LAMA1: variants seen among roughly 807,000 people sequenced by gnomAD.
LAMA1 encodes the protein laminin subunit alpha-1.
LAMA1 carries 219 observed loss-of-function variants against 348.7 expected under a neutral mutation model. The observed-to-expected ratio is 0.63, with a 90% confidence interval of 0.56 to 0.70. The LOEUF is 0.70. Ranked by LOEUF, LAMA1 falls within the 30% of genes least tolerant of loss-of-function variation. The pLI is 0.00. For synonymous variants in LAMA1, 1,487 were observed against 1,491.0 expected (o/e 1.00, Z 0.06); for missense variants, 3,744 against 3,888.0 (o/e 0.96, Z 0.99).
At chr18:7,016,407 CA>C in intron 21 of LAMA1, 83 bp downstream of exon 21, 1 of 1,519,766 alleles carries the variant, frequency 6.6e-7, no homozygotes, top group Non-Finnish European at 9.1e-7. Flanking sequence ...GGCACTTAAC[CA>C]AAATTAGTTG....
chr18:7,021,434 AG>A (rs966720713), intron 19 of LAMA1, among the ~76,000 whole-genome samples: 21 of 152,194 alleles, frequency 1.4e-4, no homozygotes, highest in African/African-American at 4.8e-4. Context: ...TTTTTGGTAC[AG>A]GACGGAAAAA....
chr18:7,030,794 A>G (rs1013261971), intron 16 of LAMA1, among the ~76,000 whole-genome samples: 1 of 152,166 alleles, frequency 6.6e-6, no homozygotes, highest in African/African-American at 2.4e-5. Flanking sequence ...GCCTAGCTAC[A>G]AAAGACATAA....
intron 3 of LAMA1, among the ~76,000 whole-genome samples, chr18:7,074,570 G>T (rs2143771105): frequency 6.6e-6 from 1 of 152,260 alleles, no homozygotes; most frequent in Middle Eastern, 3.4e-3. Context: ...ATTGATATAT[G>T]AGATCCTAAA....
At chr18:7,090,666 T>C (rs2058236180) in intron 1 of LAMA1, among the ~76,000 whole-genome samples, 2 of 147,888 alleles carry the variant, frequency 1.4e-5, no homozygotes, top group Admixed American at 6.8e-5. Context: ...GGGAGAGATA[T>C]TGAAAGAAAG....
intron 3 of LAMA1, among the ~76,000 whole-genome samples, chr18:7,051,460 G>T (rs548027650): frequency 2.0e-5 from 3 of 152,250 alleles, no homozygotes; most frequent in African/African-American, 7.2e-5. Context: ...GAGTATAACT[G>T]CTCATACATG....
At chr18:7,106,703 C>A (rs1447749397) in intron 1 of LAMA1, among the ~76,000 whole-genome samples, 1 of 151,954 alleles carries the variant, frequency 6.6e-6, no homozygotes, top group Non-Finnish European at 1.5e-5. Context: ...CCACCCCAGA[C>A]CGGACACACT....
intron 1 of LAMA1, among the ~76,000 whole-genome samples, chr18:7,115,549 T>A (rs2058351884): frequency 6.6e-6 from 1 of 151,814 alleles, no homozygotes; most frequent in Non-Finnish European, 1.5e-5. Context: ...AGATAATAAG[T>A]TATTTTAAAA....
Position 7,037,556 on chromosome 18 carries a change from C to T in LAMA1, c.1737+22G>A, listed in dbSNP as rs1464826536. ...CCTGAGATCTTCATCTGAGACATCG[C>T]TACCTGCAGGGTCACACGCACCTTA... is the stretch of plus-strand genomic sequence containing the variant. On this transcript the variant is annotated intron_variant, in intron 12 of 62. Transcript: ENST00000389658. 7 of 1,613,544 alleles carry T rather than the reference C, an allele frequency of 4.3e-6. No homozygotes were observed. In the African/African-American group the frequency reaches 5.3e-5, roughly 12 times the overall value.
rs762725918 is a variant in LAMA1, at chr18:7,011,322, G to A, written c.3665C>T (p.Pro1222Leu). 1.6e-5 allele frequency: 26 copies of A among 1,608,418 alleles called. No homozygotes were observed. Among genetic ancestry groups the A allele is most frequent in the African/African-American group, 5.3e-5 (4 of 74,806 alleles). The change falls in exon 25 of 63, where the codon CCG becomes CTG. Residue 1222 changes from proline (P) to leucine (L), a missense_variant. Around this residue, in one of 3 missense-constraint regions of LAMA1, gnomAD observed 1,529 missense variants for 1,689.4 expected, o/e 0.91. Coordinates refer to ENST00000389658, the MANE Select transcript of LAMA1 (RefSeq NM_005559.4). ...IRAEPFYWRL[P>L]QQFQGDQLMA... ...CACCTGGTCTCCTTGGAACTGCTGC[G>A]GCAGCCGCCAGTAAAACGGCTCTGC...
At chr18:7,081,396 C>G (rs2058192837) in intron 1 of LAMA1, among the ~76,000 whole-genome samples, 1 of 152,122 alleles carries the variant, frequency 6.6e-6, no homozygotes, top group Non-Finnish European at 1.5e-5. Context: ...AAGGTCTTTT[C>G]TATAATTATC....
intron 1 of LAMA1, among the ~76,000 whole-genome samples, chr18:7,115,681 A>T (rs2058352429): frequency 6.6e-6 from 1 of 151,806 alleles, no homozygotes; most frequent in Non-Finnish European, 1.5e-5. Context: ...AAAAAAAAAA[A>T]AAAATCAGGC....
chr18:6,997,407 T>C (rs139760174), intron 33 of LAMA1, among the ~76,000 whole-genome samples: 27 of 152,288 alleles, frequency 1.8e-4, no homozygotes, highest in Non-Finnish European at 3.5e-4. Flanking sequence ...TGTTTGCAAA[T>C]ACCCAAAGTT....
intron 39 of LAMA1, among the ~76,000 whole-genome samples, chr18:6,983,903 T>C (rs1241325520): frequency 6.6e-6 from 1 of 152,220 alleles, no homozygotes. Context: ...CCAAGGTTAT[T>C]GAGTCGGGCA....
chr18:6,942,317 A>C, intron 62 of LAMA1, 78 bp from the exon 63 acceptor site: 1 of 1,481,300 alleles, frequency 6.8e-7, no homozygotes, highest in Non-Finnish European at 9.2e-7. Context: ...CAACAGAAAT[A>C]ATCTCAAGCG....
intron 1 of LAMA1, among the ~76,000 whole-genome samples, chr18:7,103,070 A>C (rs1457158407): frequency 6.6e-6 from 1 of 152,114 alleles, no homozygotes; most frequent in East Asian, 1.9e-4. Flanking sequence ...GAGTGTCTGA[A>C]CTTCTTGTTT....
At chr18:7,063,062 C>T (rs2058108801) in intron 3 of LAMA1, among the ~76,000 whole-genome samples, 1 of 152,200 alleles carries the variant, frequency 6.6e-6, no homozygotes, top group Non-Finnish European at 1.5e-5. Context: ...CTCCATTAAA[C>T]ATTAACCTAT....
intron 16 of LAMA1, among the ~76,000 whole-genome samples, chr18:7,031,471 A>G (rs1429756477): frequency 6.6e-6 from 1 of 152,196 alleles, no homozygotes; most frequent in Non-Finnish European, 1.5e-5. Context: ...AAAGCATGGT[A>G]TATAAGTGAG....
chr18:7,064,856 G>A (rs2058116051), intron 3 of LAMA1, among the ~76,000 whole-genome samples: 1 of 152,162 alleles, frequency 6.6e-6, no homozygotes, highest in Non-Finnish European at 1.5e-5. Flanking sequence ...CAATTCTCAT[G>A]ATCGTCTTGT....
chr18:6,988,054 C>T (rs532254092), intron 36 of LAMA1, among the ~76,000 whole-genome samples: 106 of 152,144 alleles, frequency 7.0e-4, no homozygotes, highest in African/African-American at 2.5e-3. Flanking sequence ...GTGGAGGTTG[C>T]AGTGAGCTGA....
Sources: gnomAD v4.1 joint callset for allele counts (sites outside exome capture counted in the v4.1 genomes callset) on GRCh38, gnomAD v4.1.1 for gene constraint, gnomAD v4.1.1 regional missense constraint, MANE v1.5 for transcripts, NCBI Gene and HGNC (gene_info 2026-07-23, HGNC 2026-07-21) for gene names.